Variants in CDH23 observed in about 807,000 individuals in gnomAD.
CDH23 encodes cadherin related 23, also known as cadherin-23.
A neutral mutation model predicts 317.1 loss-of-function variants in CDH23; 189 were observed. The ratio of observed to expected loss-of-function variants is 0.60; its 90% CI spans 0.53 to 0.67. The LOEUF (loss-of-function observed/expected upper bound fraction) is 0.67, where lower values mean the gene tolerates loss of function less well. Ranked by LOEUF, CDH23 falls within the 30% of genes least tolerant of loss-of-function variation. The pLI is 0.00. For synonymous variants in CDH23, 1,839 were observed against 1,876.8 expected, an observed-to-expected ratio of 0.98 and a Z score of 0.52; for missense variants, 4,401 against 4,592.4, an observed-to-expected ratio of 0.96 and a Z score of 1.20.
At position 71,812,226 on chromosome 10, in the gene CDH23, G is replaced by A. The variant is rs1195958152; in HGVS notation, c.9380+211G>A. On this transcript the variant is annotated intron_variant, in intron 66 of 69. Transcript: ENST00000224721. ...CCACCCCAGTGGGCCTCAAGTTCCA[G>A]GGGATGCAGACTTTGGGCAGTGGGT... 12 of 1,593,990 alleles carry A rather than the reference G, an allele frequency of 7.5e-6. No individual in the cohort carries two copies. The African/African-American group carries it at 1.6e-4, about 21-fold the overall frequency.
At chr10:71,729,511 C>G (rs1347440098) in intron 30 of CDH23, among the ~76,000 whole-genome samples, 9 of 152,126 alleles carry the variant, frequency 5.9e-5, no homozygotes, top group Admixed American at 4.6e-4. Flanking sequence ...CAGGGCTGCC[C>G]TAGGGGACGG....
At chr10:71,783,880 T>C (rs984662906) in intron 41 of CDH23, among the ~76,000 whole-genome samples, 2 of 152,228 alleles carry the variant, frequency 1.3e-5, no homozygotes, top group Non-Finnish European at 2.9e-5. Context: ...GCATGTGGGA[T>C]GGATCGTACA....
chr10:71,447,270 G>C (rs550758548), intron 3 of CDH23, among the ~76,000 whole-genome samples: 1 of 152,010 alleles, frequency 6.6e-6, no homozygotes, highest in African/African-American at 2.4e-5. Context: ...AGTGGGGCGG[G>C]GTATCAAGAT....
chr10:71,661,830 C>T (rs1449183581), intron 14 of CDH23, among the ~76,000 whole-genome samples: 1 of 66,668 alleles, frequency 1.5e-5, no homozygotes, highest in South Asian at 7.2e-4. Flanking sequence ...TCCCACCCTG[C>T]GCCCCCTCCC....
intron 28 of CDH23, chr10:71,716,274 C>T (rs1180174901): frequency 1.3e-6 from 2 of 1,535,010 alleles, no homozygotes; most frequent in Non-Finnish European, 8.8e-7. Flanking sequence ...GTGACGGGAG[C>T]TGAGAGAAAG....
At chr10:71,718,318 C>T (rs945162425) in intron 28 of CDH23, among the ~76,000 whole-genome samples, 2 of 152,240 alleles carry the variant, frequency 1.3e-5, no homozygotes, top group Non-Finnish European at 2.9e-5. Context: ...TGGCTCCCTG[C>T]GCCCAGCCAA....
At chr10:71,638,824 A>T (rs1355810605) in intron 11 of CDH23, among the ~76,000 whole-genome samples, 1 of 152,220 alleles carries the variant, frequency 6.6e-6, no homozygotes, top group Admixed American at 6.5e-5. Context: ...AGAGACTAGG[A>T]GGGAGCAGTG....
chr10:71,689,379 G>A (rs1465829734), intron 19 of CDH23, among the ~76,000 whole-genome samples: 2 of 152,080 alleles, frequency 1.3e-5, no homozygotes, highest in Non-Finnish European at 2.9e-5. Context: ...ATCCCCTGGA[G>A]AATGTCACTG....
chr10:71,760,266 T>C (rs549357425), intron 38 of CDH23, among the ~76,000 whole-genome samples: 37 of 110,686 alleles, frequency 3.3e-4, no homozygotes, highest in African/African-American at 8.6e-4. Flanking sequence ...TATATGTATA[T>C]ACATATATAT....
At chr10:71,793,817 C>T (rs1013351363) in intron 48 of CDH23, among the ~76,000 whole-genome samples, 177 bp downstream of exon 48, 10 of 152,152 alleles carry the variant, frequency 6.6e-5, no homozygotes, top group African/African-American at 1.9e-4. Flanking sequence ...TCTCCCCTTG[C>T]TTTCTTTCTC....
intron 3 of CDH23, among the ~76,000 whole-genome samples, chr10:71,483,822 T>C (rs10400021): frequency 0.026 from 3,936 of 152,274 alleles, 176 homozygotes; most frequent in African/African-American, 0.088. Context: ...TGTTTTGGTG[T>C]ACATGCTCAC....
At chr10:71,451,115 C>CTCCCA (rs1299519890) in intron 3 of CDH23, among the ~76,000 whole-genome samples, 6 of 152,108 alleles carry the variant, frequency 3.9e-5, no homozygotes, top group African/African-American at 1.4e-4. Context: ...CTCCCCTCCC[C>CTCCCA]TCCCATCCCT....
At chr10:71,747,218 A>G (rs1320018250) in intron 38 of CDH23, among the ~76,000 whole-genome samples, 2 of 152,192 alleles carry the variant, frequency 1.3e-5, no homozygotes, top group Non-Finnish European at 2.9e-5. Context: ...CCCATCCCCT[A>G]ATGCAAGCAA....
At position 71,731,988 on chromosome 10, in the gene CDH23, G is replaced by T. The variant is rs751306469; in HGVS notation, c.3717G>T (p.Gly1239=). 1 of 1,613,318 alleles carries T rather than the reference G, an allele frequency of 6.2e-7. No homozygotes were observed. The highest frequency in any genetic ancestry group is 1.7e-5 in the Admixed American group (1 of 59,988). ...IVVQATDRDS[G]DGGLVNYRIL... is the part of the protein sequence containing the mutation. ...CACAGCCTCTGTGTCCTCCTACAGG[G>T]GATGGTGGCCTGGTGAACTACCGCA... The change falls in exon 32 of 70, where the codon GGG becomes GGT. Residue 1239 remains glycine (G), a splice_region_variant and synonymous_variant. Coordinates refer to ENST00000224721, the MANE Select transcript of CDH23 (RefSeq NM_022124.6).
At chr10:71,624,773 CCT>C (rs1207823053) in intron 11 of CDH23, among the ~76,000 whole-genome samples, 7 of 133,262 alleles carry the variant, frequency 5.3e-5, no homozygotes, top group African/African-American at 2.0e-4. Context: ...ATTATTATCC[CCT>C]GTCCTTTCTA....
chr10:71,654,984 T>A (rs1381237459), intron 14 of CDH23, among the ~76,000 whole-genome samples: 2 of 152,146 alleles, frequency 1.3e-5, no homozygotes, highest in African/African-American at 4.8e-5. Flanking sequence ...CGTCCAAGAA[T>A]TTACACACAC....
intron 24 of CDH23, among the ~76,000 whole-genome samples, chr10:71,703,823 G>A (rs1023959045): frequency 6.6e-6 from 1 of 152,232 alleles, no homozygotes; most frequent in Non-Finnish European, 1.5e-5. Flanking sequence ...GAGGGGAGGC[G>A]GGGTGAGAGC....
At chr10:71,435,207 G>A (rs4999379) in intron 1 of CDH23, among the ~76,000 whole-genome samples, 54,820 of 152,086 alleles carry the variant, frequency 0.36, 12,287 homozygotes, top group East Asian at 0.5. Context: ...CTGAGCCCCA[G>A]CATGTAGAAT....
At chr10:71,727,656 G>A (rs888088398) in intron 30 of CDH23, among the ~76,000 whole-genome samples, 2 of 152,090 alleles carry the variant, frequency 1.3e-5, no homozygotes, top group Admixed American at 6.5e-5. Context: ...GGGTGTTCAC[G>A]ACACATACAC....
Sources: allele counts gnomAD v4.1 joint callset (sites outside exome capture counted in the v4.1 genomes callset), GRCh38; gene constraint gnomAD v4.1.1; transcripts MANE v1.5; gene names NCBI Gene and HGNC (gene_info 2026-07-23, HGNC 2026-07-21).